Variants in LRRN2 observed in about 807,000 individuals in gnomAD.
The protein encoded by LRRN2 is leucine-rich repeat neuronal protein 2.
A neutral mutation model predicts 35.7 loss-of-function variants in LRRN2; 10 were observed. The observed-to-expected ratio is 0.28, with a 90% CI of 0.17 to 0.47. LRRN2 has a LOEUF of 0.47. Among genes scored for constraint, LRRN2 ranks in the 20% least tolerant of loss-of-function variants. The probability of loss-of-function intolerance (pLI) is 0.99; values close to 1 mark genes in which losing one functional copy is unlikely to be tolerated. For missense variants in LRRN2, 731 were observed against 940.3 expected (o/e 0.78, Z 2.91); for synonymous variants, 391 against 409.6 (o/e 0.95, Z 0.55).
intron 1 of LRRN2, among the ~76,000 whole-genome samples, chr1:204,651,365 C>T (rs1307658691): frequency 6.6e-6 from 1 of 152,210 alleles, no homozygotes; most frequent in Non-Finnish European, 1.5e-5. Flanking sequence ...TTCTGGCCGA[C>T]AGAGCTGTGA....
At chr1:204,639,062 G>C (rs1449288407) in intron 1 of LRRN2, among the ~76,000 whole-genome samples, 2 of 152,238 alleles carry the variant, frequency 1.3e-5, no homozygotes, top group Non-Finnish European at 2.9e-5. Context: ...GCTCTGGAGA[G>C]GGCGATAGGC....
intron 1 of LRRN2, among the ~76,000 whole-genome samples, chr1:204,674,517 C>T (rs544175893): frequency 3.3e-5 from 5 of 152,318 alleles, no homozygotes; most frequent in South Asian, 2.1e-4. Context: ...AGAGGGTATA[C>T]GCACTACTGG....
intron 1 of LRRN2, among the ~76,000 whole-genome samples, chr1:204,651,647 T>C (rs1668227487): frequency 6.6e-6 from 1 of 152,086 alleles, no homozygotes; most frequent in African/African-American, 2.4e-5. Flanking sequence ...CTTGTCACCA[T>C]ATGGCAGAAG....
At chr1:204,667,857 T>C (rs1055868542) in intron 1 of LRRN2, among the ~76,000 whole-genome samples, 3 of 152,120 alleles carry the variant, frequency 2.0e-5, no homozygotes, top group African/African-American at 4.8e-5. Flanking sequence ...CTTGGGCATC[T>C]GGGAGGCAGT....
intron 1 of LRRN2, chr1:204,622,218 G>A (rs1414850236): frequency 3.0e-5 from 5 of 167,038 alleles, no homozygotes; most frequent in East Asian, 1.9e-4. Flanking sequence ...GTCCCCTGGG[G>A]TGATGACTCC....
chr1:204,670,991 G>A (rs1668698334), intron 1 of LRRN2, among the ~76,000 whole-genome samples: 1 of 152,188 alleles, frequency 6.6e-6, no homozygotes, highest in Admixed American at 6.5e-5. Flanking sequence ...TTTGCTTGTT[G>A]AAGACATGAG....
chr1:204,642,679 G>A (rs1668009410), intron 1 of LRRN2, among the ~76,000 whole-genome samples: 1 of 152,232 alleles, frequency 6.6e-6, no homozygotes, highest in Non-Finnish European at 1.5e-5. Flanking sequence ...ATCCCTACAC[G>A]GGATAGCTGA....
At chr1:204,621,238 G>C (rs188799909) in intron 1 of LRRN2, 2 of 167,412 alleles carry the variant, frequency 1.2e-5, no homozygotes, top group Middle Eastern at 3.4e-3. Flanking sequence ...GACCTGGCCC[G>C]GCCCCTTCAC....
In LRRN2 at chr1:204,618,408, G is replaced by A; in HGVS notation, c.1585C>T (p.Leu529=). 1.2e-6 allele frequency: 2 copies of A among 1,613,742 alleles called. No homozygotes were observed. Among genetic ancestry groups the A allele is most frequent in the Non-Finnish European group, 1.7e-6 (2 of 1,179,700 alleles). The change falls in exon 2 of 2, where the codon CTG becomes TTG. Residue 529 remains leucine (L), a synonymous_variant. Coordinates refer to ENST00000367177, the MANE Select transcript of LRRN2 (RefSeq NM_201630.2). ...TGGGTCTCCTGCACCCGGAGCTCCA[G>A]CCCCTGTCCTTCGTCCCTGCCTGGC... The part of the protein sequence containing the change: ...LQPGRDEGQG[L]ELRVQETHPY...
intron 1 of LRRN2, among the ~76,000 whole-genome samples, chr1:204,660,814 T>C (rs1345717410): frequency 2.0e-5 from 3 of 152,228 alleles, no homozygotes; most frequent in Non-Finnish European, 4.4e-5. Flanking sequence ...TTTTCATTTG[T>C]AGCTTAAATT....
chr1:204,661,896 G>GCTGCACCC (rs72149878), intron 1 of LRRN2, among the ~76,000 whole-genome samples: 24 of 152,244 alleles, frequency 1.6e-4, no homozygotes, highest in Non-Finnish European at 1.9e-4. Flanking sequence ...AGAATGCTTT[G>GCTGCACCC]CTGCACCCCT....
intron 1 of LRRN2, among the ~76,000 whole-genome samples, chr1:204,652,117 A>G (rs1051595729): frequency 1.3e-5 from 2 of 152,116 alleles, no homozygotes; most frequent in Non-Finnish European, 2.9e-5. Flanking sequence ...AGAGAAGACA[A>G]AGGTTGCGGA....
rs536756923 is a variant in LRRN2 at position 204,684,094 on chromosome 1, G to T, written c.-227+1226C>A. On this transcript the variant is annotated intron_variant, in intron 1 of 1. Transcript: ENST00000367177. ...AGCCCATCCTAGACTGGCGGGAAAG[G>T]GGGGCACGGAGCCTGCCATCGGCCT... Among the ~76,000 whole-genome samples, 75 of 152,190 alleles carry T rather than the reference G, an allele frequency of 4.9e-4. 2 individuals are homozygous for T. The highest frequency in any genetic ancestry group is 7.2e-4 in the Admixed American group (11 of 15,284).
At chr1:204,659,111 T>C (rs577029888) in intron 1 of LRRN2, among the ~76,000 whole-genome samples, 1 of 152,308 alleles carries the variant, frequency 6.6e-6, no homozygotes, top group South Asian at 2.1e-4. Flanking sequence ...TTGCCCTCAA[T>C]AGCCATCCTC....
intron 1 of LRRN2, among the ~76,000 whole-genome samples, chr1:204,635,637 A>T (rs1476040692): frequency 1.3e-5 from 2 of 152,208 alleles, no homozygotes; most frequent in African/African-American, 4.8e-5. Context: ...AGAACCGTTC[A>T]TCTTAAATAA....
At chr1:204,631,260 A>C (rs547699229) in intron 1 of LRRN2, among the ~76,000 whole-genome samples, 10,986 of 32,578 alleles carry the variant, frequency 0.34, 2,152 homozygotes, top group East Asian at 0.44. Flanking sequence ...AGTGTTCTAT[A>C]TATATATATA....
intron 1 of LRRN2, among the ~76,000 whole-genome samples, chr1:204,666,265 A>G (rs1182191456): frequency 6.6e-6 from 1 of 152,256 alleles, no homozygotes; most frequent in Non-Finnish European, 1.5e-5. Context: ...ATGTCTAGGC[A>G]TAGGAATAAG....
Position 204,618,714 on chromosome 1 carries a change from G to T in LRRN2, c.1279C>A (p.Arg427=), listed in dbSNP as rs936628454. 14 of 1,602,026 alleles carry T rather than the reference G, an allele frequency of 8.7e-6. No individual in the cohort carries two copies. Among genetic ancestry groups the T allele is most frequent in the Non-Finnish European group, 1.1e-5 (13 of 1,172,920 alleles). Residue 427 remains arginine, a synonymous_variant, in exon 2 of 2, where the codon CGA becomes AGA. Transcript: ENST00000367177. ...TDHCLPLISP[R]SFPPSLQVAS... is the part of the protein sequence containing the mutation. Reference sequence around the variant, plus strand: ...ACCTGGAGGCTTGGGGGGAAGCTTCGTGGGGAGATGAGGGGCAAACAGTGG... The same window carrying T: ...ACCTGGAGGCTTGGGGGGAAGCTTCTTGGGGAGATGAGGGGCAAACAGTGG...
chr1:204,639,203 G>T (rs1321309466), intron 1 of LRRN2, among the ~76,000 whole-genome samples: 2 of 152,246 alleles, frequency 1.3e-5, no homozygotes, highest in African/African-American at 2.4e-5. Context: ...TGAGCAAGGG[G>T]TGACACGTCT....
Sources: gnomAD v4.1 joint callset for allele counts (sites outside exome capture counted in the v4.1 genomes callset) on GRCh38, gnomAD v4.1.1 for gene constraint, MANE v1.5 for transcripts, NCBI Gene and HGNC (gene_info 2026-07-23, HGNC 2026-07-21) for gene names.